Variants in VPS8 observed in about 807,000 individuals in gnomAD.
VPS8 encodes the protein VPS8 subunit of CORVET complex.
VPS8 carries 129 observed loss-of-function variants against 216.4 expected under a neutral mutation model. The observed-to-expected ratio is 0.60, with a 90% CI of 0.52 to 0.69. The LOEUF (loss-of-function observed/expected upper bound fraction) is 0.69. Ranked by LOEUF, VPS8 falls within the 30% of genes least tolerant of loss-of-function variation. VPS8 has a pLI of 0.00. For synonymous variants in VPS8, 571 were observed against 565.4 expected, an observed-to-expected ratio of 1.01 and a Z score of -0.14; for missense variants, 1,531 against 1,683.5, an observed-to-expected ratio of 0.91 and a Z score of 1.59.
chr3:184,996,540 T>C (rs1000702583), intron 44 of VPS8, 39 bp downstream of exon 44: 51 of 1,550,918 alleles, frequency 3.3e-5, no homozygotes, highest in Admixed American at 5.7e-5. Context: ...ATGGTACATG[T>C]ACATCTGTGG....
intron 8 of VPS8, 175 bp from the exon 9 acceptor site, chr3:184,848,896 A>C: frequency 1.6e-6 from 1 of 617,406 alleles, no homozygotes; most frequent in South Asian, 1.9e-5. Context: ...TAAGTGTCTA[A>C]TTCAACGCCC....
chr3:185,006,870 C>T (rs1315331634), intron 45 of VPS8, among the ~76,000 whole-genome samples: 4 of 152,180 alleles, frequency 2.6e-5, no homozygotes, highest in East Asian at 1.9e-4. Flanking sequence ...CATCTCTTTC[C>T]AAGACTTGAG....
Position 184,868,015 on chromosome 3 carries a change from A to G in VPS8, c.1471-9A>G, listed in dbSNP as rs1727685704. ...TGATCATTTTAATTTCCATCTCTTT[A>G]CTTTCCAGTCTGTTTATGTGATGAT... On this transcript the variant is annotated splice_polypyrimidine_tract_variant and intron_variant, in intron 17 of 47. Coordinates refer to ENST00000625842, the MANE Select transcript of VPS8 (RefSeq NM_001009921.3). 2 of 1,612,656 alleles carry G rather than the reference A, an allele frequency of 1.2e-6. No individual in the cohort carries two copies. The highest frequency in any genetic ancestry group is 1.7e-6 in the Non-Finnish European group (2 of 1,179,610).
intron 31 of VPS8, among the ~76,000 whole-genome samples, chr3:184,928,211 CTG>C (rs1740028761): frequency 1.3e-5 from 2 of 152,174 alleles, no homozygotes. Context: ...TTTGTAAACA[CTG>C]TGGCGTTCTT....
intron 42 of VPS8, among the ~76,000 whole-genome samples, chr3:184,987,971 TACA>T (rs1356704464): frequency 6.6e-6 from 1 of 152,238 alleles, no homozygotes; most frequent in East Asian, 1.9e-4. Context: ...GTAGTTCTCT[TACA>T]ACATGTGATA....
chr3:184,907,830 T>G (rs1220667580), intron 25 of VPS8, among the ~76,000 whole-genome samples: 1 of 152,238 alleles, frequency 6.6e-6, no homozygotes, highest in East Asian at 1.9e-4. Context: ...TTCAGTTCTT[T>G]GGCAGGCAGT....
chr3:184,906,999 A>G (rs1364048494), intron 25 of VPS8, among the ~76,000 whole-genome samples: 2 of 152,192 alleles, frequency 1.3e-5, no homozygotes, highest in Non-Finnish European at 2.9e-5. Context: ...CAGTCTGTTT[A>G]GAAAGTTTAT....
At chr3:184,900,493 A>G (rs1734289792) in intron 24 of VPS8, among the ~76,000 whole-genome samples, 1 of 152,146 alleles carries the variant, frequency 6.6e-6, no homozygotes, top group Non-Finnish European at 1.5e-5. Flanking sequence ...GGGGAGCTAA[A>G]TATTTGGGAG....
At chr3:184,818,521 CA>C (rs11310520) in intron 1 of VPS8, among the ~76,000 whole-genome samples, 32,464 of 89,078 alleles carry the variant, frequency 0.36, 4,037 homozygotes, top group East Asian at 0.65. Flanking sequence ...GAACCTGTCT[CA>C]AAAAAAAAAA....
intron 45 of VPS8, among the ~76,000 whole-genome samples, chr3:185,019,185 G>A (rs1025887698): frequency 2.0e-5 from 3 of 152,104 alleles, no homozygotes; most frequent in African/African-American, 7.2e-5. Context: ...TCACCATGGG[G>A]ATTGCTTAAG....
chr3:184,839,932 T>G (rs983979245), intron 7 of VPS8, 180 bp downstream of exon 7: 2 of 1,361,754 alleles, frequency 1.5e-6, no homozygotes, highest in African/African-American at 3.0e-5. Context: ...TTTGTTTTGC[T>G]GCTTATTGCA....
At chr3:185,002,428 G>A (rs774017151) in intron 45 of VPS8, among the ~76,000 whole-genome samples, 3 of 152,066 alleles carry the variant, frequency 2.0e-5, no homozygotes, top group Non-Finnish European at 2.9e-5. Context: ...AGAAAGGTTC[G>A]GAAACCATTT....
At chr3:184,841,273 A>G (rs1189036484) in intron 7 of VPS8, among the ~76,000 whole-genome samples, 1 of 152,144 alleles carries the variant, frequency 6.6e-6, no homozygotes, top group Admixed American at 6.5e-5. Flanking sequence ...TTTTGTATGT[A>G]ATCTTTTAGT....
chr3:184,887,474 TA>T (rs941472648), intron 22 of VPS8, among the ~76,000 whole-genome samples: 1 of 152,200 alleles, frequency 6.6e-6, no homozygotes, highest in African/African-American at 2.4e-5. Context: ...TTAATTTATC[TA>T]ATTTTTGTAG....
chr3:184,969,178 C>T (rs56781167), intron 39 of VPS8, among the ~76,000 whole-genome samples: 28,555 of 151,716 alleles, frequency 0.19, 3,005 homozygotes, highest in African/African-American at 0.29. Flanking sequence ...AGTGCAGTGG[C>T]GCAATCTTGG....
intron 45 of VPS8, among the ~76,000 whole-genome samples, chr3:185,019,142 G>A (rs6769924): frequency 0.9 from 137,241 of 152,114 alleles, 62,908 homozygotes; most frequent in Non-Finnish European, 0.98. Context: ...TTGTCCCATT[G>A]TTACCCTGAT....
chr3:184,859,938 C>A, intron 14 of VPS8, 47 bp from the exon 15 acceptor site: 1 of 1,435,084 alleles, frequency 7.0e-7, no homozygotes, highest in Non-Finnish European at 9.7e-7. Context: ...CTAAAAAAGT[C>A]CCTCAAACAG....
chr3:185,039,785 A>G (rs561226212), intron 46 of VPS8, among the ~76,000 whole-genome samples: 1 of 152,160 alleles, frequency 6.6e-6, no homozygotes, highest in African/African-American at 2.4e-5. Flanking sequence ...AGTATGAAAC[A>G]TGCAGTAGAA....
intron 14 of VPS8, among the ~76,000 whole-genome samples, chr3:184,858,708 TC>T (rs1417617770): frequency 1.3e-5 from 2 of 152,174 alleles, no homozygotes; most frequent in Non-Finnish European, 2.9e-5. Context: ...CAAAACACAC[TC>T]ATAATAAGCA....
Sources: allele counts gnomAD v4.1 joint callset (sites outside exome capture counted in the v4.1 genomes callset), GRCh38; gene constraint gnomAD v4.1.1; transcripts MANE v1.5; gene names NCBI Gene and HGNC (gene_info 2026-07-23, HGNC 2026-07-21).